The following DMPK variants were observed in gnomAD, a reference collection of about 807,000 sequenced individuals.
DMPK encodes the protein myotonin-protein kinase.
In DMPK, 32 loss-of-function variants were observed where a neutral mutation model predicts 70.3. That is an observed-to-expected ratio of 0.46 (90% CI 0.34 to 0.61). DMPK has a LOEUF of 0.61. Ranked by LOEUF, DMPK falls within the 20% of genes least tolerant of loss-of-function variation. The pLI is 0.01. For missense variants in DMPK, 899 were observed against 886.0 expected, an observed-to-expected ratio of 1.01 and a Z score of -0.19; for synonymous variants, 469 against 390.9, an observed-to-expected ratio of 1.20 and a Z score of -2.36.
Position 45,770,580 on chromosome 19 carries a change from G to A in DMPK, c.1798C>T (p.Arg600Cys). 1.3e-6 allele frequency: 2 copies of A among 1,552,300 alleles called. No individual in the cohort carries two copies. Among genetic ancestry groups the A allele is most frequent in the African/African-American group, 1.4e-5 (1 of 73,220 alleles). The change falls in exon 15 of 15, where the codon CGT (arginine) becomes TGT (cysteine). Residue 600 changes from arginine to cysteine, a missense_variant. Arg to Cys is a radical substitution (Grantham distance 180, BLOSUM62 -3). Around this residue, in one of 3 missense-constraint regions of DMPK, gnomAD observed 555 missense variants for 483.8 expected, o/e 1.15. Coordinates refer to ENST00000291270, the MANE Select transcript of DMPK (RefSeq NM_004409.5). ...CCAATGCAGCCCAGGGCGGCGGCAC[G>A]AGACAGAACAACGGCGAACAGGAGC... ...SLLLFAVVLS[R>C]AAALGCIGLV...
At chr19:45,772,585 C>T in intron 10 of DMPK, 56 bp downstream of exon 10, 1 of 1,240,746 alleles carries the variant, frequency 8.1e-7, no homozygotes, top group Non-Finnish European at 1.1e-6. Context: ...CCGGGAAGCC[C>T]TCACCTTTTC....
chr19:45,779,495 C>T lies in DMPK; in HGVS notation c.280G>A (p.Gly94Ser). The T allele has an allele frequency of 6.2e-7, 1 of 1,613,930 alleles. No individual in the cohort carries two copies. The highest frequency in any genetic ancestry group is 8.5e-7 in the Non-Finnish European group (1 of 1,180,018). Reference protein sequence around the residue: ...EVAVVKMKQTGQVYAMKIMNK... With the variant: ...EVAVVKMKQTSQVYAMKIMNK... ...ATGATCTTCATGGCATACACCTGGCCCGTCTGCTTCATCTTCACTACCGCT... is the reference window on the plus strand; with the variant it reads ...ATGATCTTCATGGCATACACCTGGCTCGTCTGCTTCATCTTCACTACCGCT... Residue 94 changes from glycine (G) to serine (S), a missense_variant, in exon 3 of 15, where the codon GGC becomes AGC. Coordinates refer to ENST00000291270, the MANE Select transcript of DMPK (RefSeq NM_004409.5).
At chr19:45,775,100 G>C (rs1969707597) in intron 8 of DMPK, 66 bp from the exon 9 acceptor site, 1 of 1,297,258 alleles carries the variant, frequency 7.7e-7, no homozygotes, top group Non-Finnish European at 1.1e-6. Flanking sequence ...TTTTGATCTT[G>C]GCTTACATGT....
intron 1 of DMPK, 119 bp downstream of exon 1, chr19:45,782,070 TGGGA>T (rs1440122189): frequency 1.1e-6 from 1 of 899,780 alleles, no homozygotes; most frequent in Non-Finnish European, 1.6e-6. Flanking sequence ...AGCCCCAGGA[TGGGA>T]GGATCTCCCC....
At chr19:45,773,383 G>C (rs1969589300) in intron 9 of DMPK, among the ~76,000 whole-genome samples, 1 of 152,186 alleles carries the variant, frequency 6.6e-6, no homozygotes, top group East Asian at 1.9e-4. Context: ...TCAGAATCAA[G>C]CTGGAGTTCA....
In DMPK at chr19:45,770,180, A is replaced by G; in HGVS notation, c.*308T>C. ...ACGTCAGGGCCTCAGCCTGGCCGAA[A>G]GAAAGAAATGGTCTGTGATCCCCCC... On this transcript the variant is annotated 3_prime_UTR_variant, in exon 15 of 15. Transcript: ENST00000291270. 2 of 675,574 alleles carry G rather than the reference A, an allele frequency of 3.0e-6. No homozygotes were observed. Among genetic ancestry groups the G allele is most frequent in the Non-Finnish European group, 4.8e-6 (2 of 414,298 alleles). 41.8% of individuals were successfully genotyped at this position (675,574 alleles called of 1,614,324 possible).
chr19:45,779,013 C>A, intron 4 of DMPK: 7 of 586,508 alleles, frequency 1.2e-5, no homozygotes, highest in South Asian at 2.0e-5. Context: ...AGGTAAGAGA[C>A]CCCCCGCAAC....
chr19:45,777,428 C>T lies in DMPK; in HGVS notation c.1045G>A (p.Asp349Asn), dbSNP rs1169747491. The change falls in exon 8 of 15, where the codon GAC (aspartate) becomes AAC (asparagine). Residue 349 changes from aspartate (D) to asparagine (N), a missense_variant. Asp to Asn is a conservative substitution (Grantham distance 23). This residue lies in a region of DMPK where 555 missense variants were observed against 483.8 expected (regional missense o/e 1.15). Coordinates refer to ENST00000291270, the MANE Select transcript of DMPK (RefSeq NM_004409.5). This position sits in a 1 kb window ranked among gnomAD's most constrained non-coding sequence, Gnocchi z 6.7. ...FFGLDWDGLR[D>N]SVPPFTPDFE... ...TCCGGTGTAAAGGGGGGCACGCTGT[C>T]CCGGAGACCATCCCAGTCGAGGCCA... The T allele has an allele frequency of 1.9e-6, 3 of 1,613,518 alleles. No individual in the cohort carries two copies. Among genetic ancestry groups the T allele is most frequent in the Non-Finnish European group, 1.7e-6 (2 of 1,180,004 alleles).
chr19:45,780,649 G>A, intron 1 of DMPK: 1 of 1,001,388 alleles, frequency 1.0e-6, no homozygotes, highest in Non-Finnish European at 1.2e-6. Context: ...GGGGGTGGAA[G>A]AAGTGGAGGC....
chr19:45,780,159 G>C, intron 1 of DMPK: 1 of 1,435,982 alleles, frequency 7.0e-7, no homozygotes, highest in Non-Finnish European at 9.1e-7. Context: ...GGAGTCTGCA[G>C]AAGGACAGAC....
At chr19:45,782,017 T>C (rs1031580639) in intron 1 of DMPK, among the ~76,000 whole-genome samples, 176 bp downstream of exon 1, 6 of 152,142 alleles carry the variant, frequency 3.9e-5, no homozygotes, top group South Asian at 2.1e-4. Context: ...AGTGGTGGCA[T>C]AGGACAGAGA....
At chr19:45,770,937 G>A (rs980611619) in intron 14 of DMPK, 34 bp downstream of exon 14, 7 of 1,385,764 alleles carry the variant, frequency 5.1e-6, no homozygotes, top group Non-Finnish European at 6.6e-6. Flanking sequence ...CGCGGGGCGC[G>A]ACGGCGGAGG....
chr19:45,782,127 G>C, intron 1 of DMPK, 66 bp downstream of exon 1: 1 of 616,430 alleles, frequency 1.6e-6, no homozygotes, highest in Non-Finnish European at 2.2e-6. Context: ...CCAGGCCTCT[G>C]TGCCCAGACC....
In DMPK at chr19:45,779,271, T is replaced by TTC; in HGVS notation, c.423_424dup (p.Asn142ArgfsTer17). The TTC allele has an allele frequency of 6.2e-7, 1 of 1,613,830 alleles. No individual in the cohort carries two copies. Among genetic ancestry groups the TTC allele is most frequent in the African/African-American group, 1.3e-5 (1 of 75,010 alleles). ...CCCCGGCCCGGAGCTCACCAGGTAG[T>TTC]TCTCATCCTGGAAGGCGAAGTGCAG... On this transcript the variant is annotated frameshift_variant, in exon 4 of 15. Coordinates refer to ENST00000291270, the MANE Select transcript of DMPK (RefSeq NM_004409.5). LOFTEE classifies it high-confidence loss of function.
In DMPK at chr19:45,778,186, A is replaced by G; in HGVS notation, c.616T>C (p.Cys206Arg). ...AAGTCGGCCAGGCGGATGTGGCCAC[A>G]GCGGTCCAGCAGGATGTTGTCGGGT... ...IKPDNILLDRCGHIRLADFGS... is the reference protein window; with the variant it reads ...IKPDNILLDRRGHIRLADFGS... The change falls in exon 6 of 15, where the codon TGT (cysteine) becomes CGT (arginine). Residue 206 changes from cysteine (C) to arginine (R), a missense_variant. Cys to Arg is a radical substitution (Grantham distance 180). Transcript: ENST00000291270. 6.2e-7 allele frequency: 1 copy of G among 1,613,890 alleles called. No homozygotes were observed. Among genetic ancestry groups the G allele is most frequent in the Non-Finnish European group, 8.5e-7 (1 of 1,179,932 alleles).
At position 45,770,423 on chromosome 19, in the gene DMPK, T is replaced by TCTGTGCCGTGCCCC; in HGVS notation, c.*51_*64dup. 6.5e-7 allele frequency: 1 copy of TCTGTGCCGTGCCCC among 1,530,084 alleles called. No individual in the cohort carries two copies. Among genetic ancestry groups the TCTGTGCCGTGCCCC allele is most frequent in the Non-Finnish European group, 8.8e-7 (1 of 1,130,512 alleles). 94.8% of individuals were successfully genotyped at this position (1,530,084 alleles called of 1,614,324 possible). A position where few individuals can be genotyped will look rare whatever the true frequency, so the allele number is the denominator to read the frequency against. On this transcript the variant is annotated 3_prime_UTR_variant, in exon 15 of 15. Coordinates refer to ENST00000291270, the MANE Select transcript of DMPK (RefSeq NM_004409.5). Reference sequence around the variant, plus strand: ...GAACTGGCAGGCGGTGGGCGCGGCTTCTGTGCCGTGCCCCGGGCACTCAGT... The same window carrying TCTGTGCCGTGCCCC: ...GAACTGGCAGGCGGTGGGCGCGGCTTCTGTGCCGTGCCCCCTGTGCCGTGCCCCGGGCACTCAGT...
chr19:45,770,703 C>T, intron 14 of DMPK, 63 bp from the exon 15 acceptor site: 1 of 1,515,100 alleles, frequency 6.6e-7, no homozygotes, highest in South Asian at 1.2e-5. Flanking sequence ...GGGACTCGCC[C>T]CGCCTACGCC....
chr19:45,781,192 C>T (rs1882863743), intron 1 of DMPK, among the ~76,000 whole-genome samples: 1 of 152,180 alleles, frequency 6.6e-6, no homozygotes, highest in South Asian at 2.1e-4. Flanking sequence ...AAGTGTCACA[C>T]ACAGTTTGTT....
At chr19:45,772,066 T>TG in intron 10 of DMPK, 138 bp from the exon 11 acceptor site, 2 of 1,183,476 alleles carry the variant, frequency 1.7e-6, no homozygotes, top group Non-Finnish European at 2.3e-6. Flanking sequence ...CCATAGCTCC[T>TG]GCAATGATCC....
Sources: allele counts gnomAD v4.1 joint callset (sites outside exome capture counted in the v4.1 genomes callset), GRCh38; gene constraint gnomAD v4.1.1; regional missense constraint gnomAD v4.1.1; non-coding constraint Gnocchi (gnomAD v3.1); transcripts MANE v1.5; gene names NCBI Gene and HGNC (gene_info 2026-07-23, HGNC 2026-07-21).